GMPS: variants seen among roughly 807,000 people sequenced by gnomAD.
GMPS encodes guanosine monophosphate synthase, also known as GMP synthase [glutamine-hydrolyzing].
A neutral mutation model predicts 77.9 loss-of-function variants in GMPS; 15 were observed. That is an observed-to-expected ratio of 0.19 (90% CI 0.13 to 0.30). The LOEUF is 0.30. Ranked by LOEUF, GMPS falls within the 10% of genes least tolerant of loss-of-function variation. The pLI, the probability that GMPS is intolerant of heterozygous loss-of-function variation, is 1.00. For synonymous variants in GMPS, 224 were observed against 275.9 expected, an observed-to-expected ratio of 0.81 and a Z score of 1.86; for missense variants, 590 against 838.8, an observed-to-expected ratio of 0.70 and a Z score of 3.66.
At chr3:155,917,528 A>G (rs1451488475) in intron 9 of GMPS, among the ~76,000 whole-genome samples, 1 of 152,148 alleles carries the variant, frequency 6.6e-6, no homozygotes, top group Non-Finnish European at 1.5e-5. Context: ...TTCACTTAGC[A>G]TAATGTCCTT....
intron 1 of GMPS, among the ~76,000 whole-genome samples, chr3:155,880,571 T>G (rs895565040): frequency 6.6e-6 from 1 of 152,244 alleles, no homozygotes; most frequent in Non-Finnish European, 1.5e-5. Context: ...GACATATATA[T>G]GTACTCATGT....
intron 9 of GMPS, among the ~76,000 whole-genome samples, chr3:155,917,204 C>T (rs1047604933): frequency 2.0e-5 from 3 of 152,084 alleles, no homozygotes; most frequent in African/African-American, 7.2e-5. Flanking sequence ...AACTCCTGAC[C>T]TCAGGTGATC....
chr3:155,925,415 C>A, intron 12 of GMPS, 49 bp downstream of exon 12: 2 of 1,230,486 alleles, frequency 1.6e-6, no homozygotes, highest in South Asian at 1.6e-5. Context: ...TTTTTTTTTT[C>A]TTTTCTTGAG....
intron 4 of GMPS, among the ~76,000 whole-genome samples, chr3:155,905,529 C>T (rs1754854341): frequency 6.6e-6 from 1 of 152,128 alleles, no homozygotes; most frequent in Non-Finnish European, 1.5e-5. Flanking sequence ...CTAGGACTTT[C>T]AGATAACAGA....
chr3:155,893,404 C>A, intron 1 of GMPS, 114 bp from the exon 2 acceptor site: 2 of 657,862 alleles, frequency 3.0e-6, no homozygotes, highest in Non-Finnish European at 2.5e-6. Context: ...TCAGAAAGTC[C>A]TAAGTTTTCA....
intron 9 of GMPS, among the ~76,000 whole-genome samples, chr3:155,918,776 T>C (rs1755247561): frequency 6.6e-6 from 1 of 152,194 alleles, no homozygotes; most frequent in Non-Finnish European, 1.5e-5. Context: ...CTTATTTATT[T>C]TTTTATTATT....
At chr3:155,928,385 A>T (rs1755511129) in intron 12 of GMPS, among the ~76,000 whole-genome samples, 2 of 152,098 alleles carry the variant, frequency 1.3e-5, no homozygotes, top group South Asian at 4.1e-4. Context: ...GAATTTTCAC[A>T]TTCTTAGTAC....
intron 7 of GMPS, among the ~76,000 whole-genome samples, chr3:155,912,835 C>G (rs1173773245): frequency 6.6e-6 from 1 of 152,024 alleles, no homozygotes; most frequent in Non-Finnish European, 1.5e-5. Context: ...TGGGGAGGCT[C>G]AGGAATTTGA....
Position 155,939,635 on chromosome 3 carries a change from T to A in GMPS, c.*1943T>A, listed in dbSNP as rs2108158489. 1 of 194,826 alleles carries A rather than the reference T, an allele frequency of 5.1e-6. No homozygotes were observed. Among genetic ancestry groups the A allele is most frequent in the East Asian group, 8.1e-5 (1 of 12,346 alleles). The allele number at this position is 194,826 out of a possible 1,614,324, so 12.1% of individuals were successfully genotyped here. A position where few individuals can be genotyped will look rare whatever the true frequency, so the allele number is the denominator to read the frequency against. ...TAGTGTTTTCCTGATATTTGTTTTTTGAACACCTTTTATATAATCCCTTCT... is the reference window on the plus strand; with the variant it reads ...TAGTGTTTTCCTGATATTTGTTTTTAGAACACCTTTTATATAATCCCTTCT... On this transcript the variant is annotated 3_prime_UTR_variant, in exon 16 of 16. Coordinates refer to ENST00000496455, the MANE Select transcript of GMPS (RefSeq NM_003875.3).
At position 155,877,923 on chromosome 3, in the gene GMPS, G is replaced by A. The variant is rs535481213; in HGVS notation, c.27+7026G>A. 4.6e-5 allele frequency among the ~76,000 whole-genome samples: 7 copies of A among 151,186 alleles called. No homozygotes were observed. The East Asian group carries it at 5.9e-4, about 13-fold the overall frequency. ...CAGCCTCCCGAGTAGCTGGGCATGC[G>A]CCACCATGCCCAGCTAATTTTTGTA... On this transcript the variant is annotated intron_variant, in intron 1 of 15. Transcript: ENST00000496455.
chr3:155,906,074 G>A, intron 4 of GMPS, 86 bp from the exon 5 acceptor site: 1 of 677,084 alleles, frequency 1.5e-6, no homozygotes, highest in Non-Finnish European at 2.4e-6. Context: ...AATCATGTAT[G>A]GCAAGCTTGT....
chr3:155,906,333 T>A, intron 5 of GMPS, 70 bp downstream of exon 5: 1 of 781,734 alleles, frequency 1.3e-6, no homozygotes, highest in South Asian at 1.7e-5. Flanking sequence ...TATGCTTCTG[T>A]ATGAGGTACT....
chr3:155,937,287 G>A (rs1172132034), intron 15 of GMPS, among the ~76,000 whole-genome samples: 2 of 152,178 alleles, frequency 1.3e-5, no homozygotes, highest in Non-Finnish European at 2.9e-5. Context: ...ATGTCAAATC[G>A]CTATATGTTC....
chr3:155,933,360 C>T (rs2108147765), intron 13 of GMPS, among the ~76,000 whole-genome samples: 1 of 152,162 alleles, frequency 6.6e-6, no homozygotes, highest in Admixed American at 6.5e-5. Flanking sequence ...GTTTTACTGT[C>T]ATATATAGTG....
intron 13 of GMPS, among the ~76,000 whole-genome samples, chr3:155,934,596 A>C (rs1228406600): frequency 6.6e-6 from 1 of 152,220 alleles, no homozygotes; most frequent in East Asian, 1.9e-4. Flanking sequence ...CTGGGTGGGC[A>C]TGAAGTTTTG....
intron 1 of GMPS, among the ~76,000 whole-genome samples, chr3:155,890,503 A>C (rs1754439502): frequency 1.3e-5 from 2 of 152,114 alleles, no homozygotes; most frequent in Admixed American, 1.3e-4. Flanking sequence ...TGTTTACTAC[A>C]GTATAATTTA....
At chr3:155,925,039 C>T (rs1439444376) in intron 11 of GMPS, among the ~76,000 whole-genome samples, 1 of 152,218 alleles carries the variant, frequency 6.6e-6, no homozygotes, top group African/African-American at 2.4e-5. Context: ...ATATAATCTG[C>T]ATTTCTTATC....
At chr3:155,881,811 A>G (rs890632589) in intron 1 of GMPS, among the ~76,000 whole-genome samples, 2 of 152,176 alleles carry the variant, frequency 1.3e-5, no homozygotes, top group Non-Finnish European at 2.9e-5. Context: ...CACACCTGCA[A>G]TCCCAGCACT....
chr3:155,875,768 G>A (rs1754035605), intron 1 of GMPS, among the ~76,000 whole-genome samples: 1 of 152,132 alleles, frequency 6.6e-6, no homozygotes, highest in South Asian at 2.1e-4. Context: ...GCTCAAGAAG[G>A]ACGGTGGTTA....
Sources: allele counts gnomAD v4.1 joint callset (sites outside exome capture counted in the v4.1 genomes callset), GRCh38; gene constraint gnomAD v4.1.1; transcripts MANE v1.5; gene names NCBI Gene and HGNC (gene_info 2026-07-23, HGNC 2026-07-21).